Variants in CASK observed in about 807,000 individuals in gnomAD.
CASK encodes the protein calcium/calmodulin dependent serine protein kinase.
Under a neutral mutation model 82.9 loss-of-function variants are expected in CASK, and 4 were observed. That is an observed-to-expected ratio of 0.05 (90% CI 0.02 to 0.11). The LOEUF (loss-of-function observed/expected upper bound fraction) is 0.11. CASK is among the 10% of genes least tolerant of loss of function. The pLI is 1.00. For synonymous variants in CASK, 259 were observed against 253.5 expected, an observed-to-expected ratio of 1.02 and a Z score of -0.20; for missense variants, 358 against 720.9, an observed-to-expected ratio of 0.50 and a Z score of 5.76.
intron 1 of CASK, among the ~76,000 whole-genome samples, chrX:41,862,808 T>C (rs1414216137): frequency 9.0e-6 from 1 of 111,653 alleles, no homozygotes; most frequent in African/African-American, 3.3e-5. Context: ...AATGATTAGC[T>C]AGATGGTGGT....
intron 15 of CASK, among the ~76,000 whole-genome samples, chrX:41,575,512 T>G (rs1157395593): frequency 1.9e-5 from 2 of 107,599 alleles, no homozygotes; most frequent in African/African-American, 6.6e-5. Context: ...TTTTGTCACT[T>G]GCAACTATGG....
chrX:41,522,624 G>T (rs1425684854), intron 26 of CASK, among the ~76,000 whole-genome samples: 2 of 112,078 alleles, frequency 1.8e-5, no homozygotes, highest in Non-Finnish European at 3.8e-5. Context: ...TGGCACACGG[G>T]ATTCTATTTG....
At chrX:41,886,908 AG>A (rs759380309) in intron 1 of CASK, among the ~76,000 whole-genome samples, 1 of 111,405 alleles carries the variant, frequency 9.0e-6, no homozygotes, top group Non-Finnish European at 1.9e-5. Flanking sequence ...GACATATGTT[AG>A]AAGCTGTGAT....
chrX:41,724,925 A>T (rs894232694), intron 5 of CASK, among the ~76,000 whole-genome samples: 1 of 112,529 alleles, frequency 8.9e-6, no homozygotes, highest in East Asian at 2.8e-4. Context: ...TCCAATCCTT[A>T]TGTAAAATCA....
chrX:41,676,257 G>T, intron 5 of CASK: 1 of 1,189,479 alleles, frequency 8.4e-7, no homozygotes. Flanking sequence ...CTGTATTCTC[G>T]AGCCATCTGC....
Position 41,836,076 on chromosome X carries a change from C to A in CASK, c.172+17039G>T, listed in dbSNP as rs540285536. ...ATTAGGAAAAACAGCCAAAGATGTA[C>A]AGTTTGCTAAAACAGTACTCATAAT... On this transcript the variant is annotated intron_variant, in intron 2 of 26. Transcript: ENST00000378163. Among the ~76,000 whole-genome samples, 6 of 111,714 alleles carry A rather than the reference C, an allele frequency of 5.4e-5. No homozygotes were observed. The South Asian group carries it at 2.2e-3, about 41-fold the overall frequency.
Position 41,696,429 on chromosome X carries a change from C to T in CASK, c.430-24899G>A, listed in dbSNP as rs2067690303. The T allele has an allele frequency of 1.7e-6, 2 of 1,190,785 alleles. No homozygotes were observed. The highest frequency in any genetic ancestry group is 1.1e-6 in the Non-Finnish European group (1 of 881,824). On this transcript the variant is annotated intron_variant, in intron 5 of 26. Coordinates refer to ENST00000378163, the MANE Select transcript of CASK (RefSeq NM_001367721.1). ...TTCTGGTAAATATGCCACTACAGCT[C>T]GTAACTCCTTTATTGTACTTATCAT...
At chrX:41,863,834 C>G (rs17250058) in intron 1 of CASK, among the ~76,000 whole-genome samples, 4,084 of 111,979 alleles carry the variant, frequency 0.036, 74 homozygotes, top group Non-Finnish European at 0.056. Flanking sequence ...ATAATCCACT[C>G]TTTGTAAATG....
chrX:41,674,487 A>G (rs2147503669), intron 5 of CASK, among the ~76,000 whole-genome samples: 1 of 111,967 alleles, frequency 8.9e-6, no homozygotes, highest in East Asian at 2.8e-4. Context: ...TGACGGGCCA[A>G]GAACATTGTG....
intron 25 of CASK, among the ~76,000 whole-genome samples, chrX:41,530,084 G>A (rs1046652051): frequency 9.0e-6 from 1 of 111,607 alleles, no homozygotes; most frequent in African/African-American, 3.3e-5. Flanking sequence ...TATTTCAGCA[G>A]GTAGCATACT....
rs11797813 is a variant in CASK, at chrX:41,851,214, T to C, written c.172+1901A>G. ...ATAGGAAGGATATGAAAAGAGTACA[T>C]GATTCTATTAAGTTCAAGGAGGCTT... On this transcript the variant is annotated intron_variant, in intron 2 of 26. Transcript: ENST00000378163. Among the ~76,000 whole-genome samples the C allele has an allele frequency of 4.5e-5, 5 of 110,998 alleles. No individual in the cohort carries two copies. The Admixed American group carries it at 4.8e-4, about 11-fold the overall frequency.
At chrX:41,639,440 A>T (rs946429250) in intron 8 of CASK, among the ~76,000 whole-genome samples, 1 of 7,299 alleles carries the variant, frequency 1.4e-4, no homozygotes, top group Non-Finnish European at 5.8e-4. Flanking sequence ...ATGAGGGTTT[A>T]AAAAAAAAAA....
At chrX:41,746,836 T>A (rs1002652042) in intron 3 of CASK, among the ~76,000 whole-genome samples, 2 of 111,607 alleles carry the variant, frequency 1.8e-5, no homozygotes, top group Middle Eastern at 4.6e-3. Flanking sequence ...GAGGTCAGCA[T>A]CATTTTCAAA....
chrX:41,756,637 T>C lies in CASK; in HGVS notation c.279-11036A>G, dbSNP rs188078725. ...ATAAATAATTAAAGCTAGCATTTAT[T>C]GAGTGCTTACTACGTGAAAGGTATT... On this transcript the variant is annotated intron_variant, in intron 3 of 26. Transcript: ENST00000378163. 1.2e-4 allele frequency among the ~76,000 whole-genome samples: 13 copies of C among 112,567 alleles called. No individual in the cohort carries two copies. In the East Asian group the frequency reaches 3.3e-3, roughly 29 times the overall value.
intron 2 of CASK, among the ~76,000 whole-genome samples, chrX:41,823,589 C>T (rs1346824565): frequency 9.0e-6 from 1 of 111,515 alleles, no homozygotes; most frequent in Admixed American, 9.5e-5. Context: ...AAAGTTCACA[C>T]TGGTTTCCAT....
At chrX:41,741,701 C>G (rs1313111764) in intron 4 of CASK, among the ~76,000 whole-genome samples, 1 of 111,857 alleles carries the variant, frequency 8.9e-6, no homozygotes, top group East Asian at 2.8e-4. Flanking sequence ...TATAACAGAA[C>G]TGAACTATCT....
chrX:41,785,651 C>T (rs1459581474), intron 3 of CASK, among the ~76,000 whole-genome samples: 1 of 112,244 alleles, frequency 8.9e-6, no homozygotes, highest in Non-Finnish European at 1.9e-5. Context: ...TTAAATTTCA[C>T]CTTCTTTGTT....
chrX:41,539,200 C>T (rs1248788951), intron 22 of CASK, among the ~76,000 whole-genome samples: 1 of 111,979 alleles, frequency 8.9e-6, no homozygotes, highest in Non-Finnish European at 1.9e-5. Context: ...TTGTAGGTAA[C>T]ACAGTTTGAA....
intron 1 of CASK, among the ~76,000 whole-genome samples, chrX:41,917,756 G>T: frequency 8.9e-6 from 1 of 111,981 alleles, no homozygotes; most frequent in Middle Eastern, 4.6e-3. Flanking sequence ...AAAGCAGACA[G>T]GAAGAGACTA....
Sources: allele counts gnomAD v4.1 joint callset (sites outside exome capture counted in the v4.1 genomes callset), GRCh38; gene constraint gnomAD v4.1.1; transcripts MANE v1.5; gene names NCBI Gene and HGNC (gene_info 2026-07-23, HGNC 2026-07-21).